CNOT7: variants seen among roughly 807,000 people sequenced by gnomAD.
CNOT7 encodes CCR4-NOT transcription complex subunit 7.
CNOT7 carries 4 observed loss-of-function variants against 37.1 expected under a neutral mutation model. The observed-to-expected ratio is 0.11, with a 90% CI of 0.05 to 0.25. The LOEUF is 0.25. Ranked by LOEUF, CNOT7 falls within the 10% of genes least tolerant of loss-of-function variation. The pLI is 1.00. For synonymous variants in CNOT7, 128 were observed against 115.6 expected, an observed-to-expected ratio of 1.11 and a Z score of -0.69; for missense variants, 170 against 336.2, an observed-to-expected ratio of 0.51 and a Z score of 3.87.
Position 17,246,744 on chromosome 8 carries a change from T to G in CNOT7, c.-165A>C, listed in dbSNP as rs1811205536. On this transcript the variant is annotated 5_prime_UTR_variant, in exon 1 of 7. Transcript: ENST00000361272. ...AGACAGCACTCGGCGGCGGTGGCGG[T>G]GGCGGTGGCGGTAGCGGCGGCGGCA... 5.4e-6 allele frequency: 1 copy of G among 186,690 alleles called. No homozygotes were observed. Among genetic ancestry groups the G allele is most frequent in the Non-Finnish European group, 1.1e-5 (1 of 90,174 alleles). 11.6% of individuals were successfully genotyped at this position (186,690 alleles called of 1,614,324 possible).
At position 17,230,679 on chromosome 8, in the gene CNOT7, ATG is replaced by A. The variant is rs1220998601; in HGVS notation, c.*39_*40del. On this transcript the variant is annotated 3_prime_UTR_variant, in exon 7 of 7. Transcript: ENST00000361272. ...CCAGAGATAAAACCTATATACAAGC[ATG>A]TGTGTAGCTCGAAATAAAAATAAAA... 10 of 1,564,244 alleles carry A rather than the reference ATG, an allele frequency of 6.4e-6. No homozygotes were observed. Among genetic ancestry groups the A allele is most frequent in the Non-Finnish European group, 1.7e-6 (2 of 1,155,120 alleles).
chr8:17,238,783 C>G (rs921618361), intron 3 of CNOT7, among the ~76,000 whole-genome samples: 11 of 152,230 alleles, frequency 7.2e-5, no homozygotes, highest in Non-Finnish European at 1.3e-4. Flanking sequence ...TATGGCTTCA[C>G]CCCATACCTG....
chr8:17,228,240 G>C lies in CNOT7; in HGVS notation c.*2480C>G, dbSNP rs1808283576. On this transcript the variant is annotated 3_prime_UTR_variant, in exon 7 of 7. Coordinates refer to ENST00000361272, the MANE Select transcript of CNOT7 (RefSeq NM_013354.7). ...TAGTTTGACAACCCTTGCTCTAGTAGATTTAACAGAATATATGAGCCTGTA... is the reference window on the plus strand; with the variant it reads ...TAGTTTGACAACCCTTGCTCTAGTACATTTAACAGAATATATGAGCCTGTA... 2 of 151,838 alleles carry C rather than the reference G, an allele frequency of 1.3e-5. No individual in the cohort carries two copies. Among genetic ancestry groups the C allele is most frequent in the African/African-American group, 4.8e-5 (2 of 41,410 alleles). The allele number at this position is 151,838 out of a possible 1,614,324, so 9.4% of individuals were successfully genotyped here.
At chr8:17,238,218 G>A (rs112753629) in intron 3 of CNOT7, among the ~76,000 whole-genome samples, 1 of 152,108 alleles carries the variant, frequency 6.6e-6, no homozygotes, top group Non-Finnish European at 1.5e-5. Context: ...ACGTGAAAAA[G>A]TGTTTTTTTA....
In CNOT7 at chr8:17,228,901, G is replaced by C. The variant is rs1808330793; in HGVS notation, c.*1819C>G. On this transcript the variant is annotated 3_prime_UTR_variant, in exon 7 of 7. Transcript: ENST00000361272. ...TAACGAAGACAAAAGAAGCCAGTTA[G>C]AAACTTACTACATTGTGTTAGATTT... 3 of 151,926 alleles carry C rather than the reference G, an allele frequency of 2.0e-5. No homozygotes were observed. Among genetic ancestry groups the C allele is most frequent in the Non-Finnish European group, 4.4e-5 (3 of 67,862 alleles). 9.4% of individuals were successfully genotyped at this position (151,926 alleles called of 1,614,324 possible). A position where few individuals can be genotyped will look rare whatever the true frequency, so the allele number is the denominator to read the frequency against.
rs141885412 is a variant in CNOT7, at chr8:17,239,053, T to G, written c.312-1680A>C. Among the ~76,000 whole-genome samples the G allele has an allele frequency of 8.5e-5, 13 of 152,314 alleles. 1 individual carries two copies. Among genetic ancestry groups the G allele is most frequent in the African/African-American group, 2.6e-4 (11 of 41,572 alleles). Reference sequence around the variant, plus strand: ...TGTAAAACAAAATAAAAACCACTATTCTGTTGATTCTGCTTTCCCTTCTTG... The same window carrying G: ...TGTAAAACAAAATAAAAACCACTATGCTGTTGATTCTGCTTTCCCTTCTTG... On this transcript the variant is annotated intron_variant, in intron 3 of 6. Coordinates refer to ENST00000361272, the MANE Select transcript of CNOT7 (RefSeq NM_013354.7).
chr8:17,232,356 C>T (rs1409060347), intron 6 of CNOT7, 71 bp downstream of exon 6: 2 of 1,609,752 alleles, frequency 1.2e-6, no homozygotes, highest in African/African-American at 1.3e-5. Context: ...TGCCCAAAAT[C>T]TTTGGCCACA....
At chr8:17,234,930 T>G (rs1273334137) in intron 4 of CNOT7, 70 bp from the exon 5 acceptor site, 3 of 1,418,280 alleles carry the variant, frequency 2.1e-6, no homozygotes, top group Middle Eastern at 2.6e-4. Flanking sequence ...AAAAAGTTTT[T>G]CTGATTCAAA....
chr8:17,237,791 T>C (rs1184132018), intron 3 of CNOT7, among the ~76,000 whole-genome samples: 3 of 152,230 alleles, frequency 2.0e-5, no homozygotes, highest in African/African-American at 7.2e-5. Flanking sequence ...CTGTGGGGCA[T>C]ATGCCCATCT....
At chr8:17,234,271 A>G (rs905037275) in intron 5 of CNOT7, among the ~76,000 whole-genome samples, 1 of 152,226 alleles carries the variant, frequency 6.6e-6, no homozygotes, top group South Asian at 2.1e-4. Context: ...TAGCCAAGAT[A>G]AGCCAAAAGG....
rs756750214 is a variant in CNOT7 at position 17,237,205 on chromosome 8, G to C, written c.473+7C>G. ...AACAAATGCCATTTTCAATGTAGTCGTTTTACCTATGAAATGACAACCATT... is the reference window on the plus strand; with the variant it reads ...AACAAATGCCATTTTCAATGTAGTCCTTTTACCTATGAAATGACAACCATT... On this transcript the variant is annotated splice_region_variant and intron_variant, in intron 4 of 6. Transcript: ENST00000361272. 6.2e-7 allele frequency: 1 copy of C among 1,612,910 alleles called. No individual in the cohort carries two copies. The highest frequency in any genetic ancestry group is 8.5e-7 in the Non-Finnish European group (1 of 1,179,464).
intron 5 of CNOT7, among the ~76,000 whole-genome samples, chr8:17,234,269 A>T (rs371201887): frequency 6.6e-6 from 1 of 152,208 alleles, no homozygotes; most frequent in Non-Finnish European, 1.5e-5. Flanking sequence ...TCTAGCCAAG[A>T]TAAGCCAAAA....
At chr8:17,231,488 A>G (rs1186723197) in intron 6 of CNOT7, 1 of 979,802 alleles carries the variant, frequency 1.0e-6, no homozygotes, top group African/African-American at 1.8e-5. Context: ...TGGATAGTCC[A>G]AATCACTTCT....
rs534380200 is a variant in CNOT7 at position 17,239,735 on chromosome 8, C to T, written c.312-2362G>A. Among the ~76,000 whole-genome samples the T allele has an allele frequency of 8.7e-4, 133 of 152,098 alleles. 1 individual carries two copies. The highest frequency in any genetic ancestry group is 7.3e-3 in the South Asian group (35 of 4,806). ...TTCTCGATCTCCTGACCTTGTGATC[C>T]GCCCGCCTCGGCCTCCCAAAGTGCT... On this transcript the variant is annotated intron_variant, in intron 3 of 6. Coordinates refer to ENST00000361272, the MANE Select transcript of CNOT7 (RefSeq NM_013354.7).
intron 4 of CNOT7, 53 bp downstream of exon 4, chr8:17,237,159 G>A (rs1809482674): frequency 5.8e-6 from 9 of 1,561,092 alleles, no homozygotes; most frequent in Admixed American, 1.7e-5. Flanking sequence ...AAGTAAGTGT[G>A]GAGCAAGTAT....
In CNOT7 at chr8:17,228,550, G is replaced by A. The variant is rs184403947; in HGVS notation, c.*2170C>T. 3 of 152,052 alleles carry A rather than the reference G, an allele frequency of 2.0e-5. No homozygotes were observed. Among genetic ancestry groups the A allele is most frequent in the Admixed American group, 2.0e-4 (3 of 15,260 alleles). 9.4% of individuals were successfully genotyped at this position (152,052 alleles called of 1,614,324 possible). A position where few individuals can be genotyped will look rare whatever the true frequency, so the allele number is the denominator to read the frequency against. On this transcript the variant is annotated 3_prime_UTR_variant, in exon 7 of 7. Transcript: ENST00000361272. The stretch of plus-strand genomic sequence containing the variant: ...ATTTTGACTTTGCAATGGTGCAAAA[G>A]CAATACACATTCAGTAGAAACTATA...
Position 17,230,641 on chromosome 8 carries a change from T to C in CNOT7, c.*79A>G. 1.6e-6 allele frequency: 2 copies of C among 1,286,962 alleles called. No individual in the cohort carries two copies. The highest frequency in any genetic ancestry group is 3.0e-5 in the African/African-American group (2 of 65,996). The allele number at this position is 1,286,962 out of a possible 1,614,324, so 79.7% of individuals were successfully genotyped here. Reference sequence around the variant, plus strand: ...GGGGGGGAAAGGTACTGTCTATTGTTCGAGGGATTCAACCAGAGATAAAAC... The same window carrying C: ...GGGGGGGAAAGGTACTGTCTATTGTCCGAGGGATTCAACCAGAGATAAAAC... On this transcript the variant is annotated 3_prime_UTR_variant, in exon 7 of 7. Transcript: ENST00000361272.
chr8:17,241,052 A>G (rs187605073), intron 3 of CNOT7, among the ~76,000 whole-genome samples: 1 of 152,092 alleles, frequency 6.6e-6, no homozygotes, highest in Non-Finnish European at 1.5e-5. Flanking sequence ...GGTTCTGTAG[A>G]CTGTGCGTGT....
At chr8:17,240,986 G>C (rs904266728) in intron 3 of CNOT7, among the ~76,000 whole-genome samples, 1 of 152,186 alleles carries the variant, frequency 6.6e-6, no homozygotes, top group Non-Finnish European at 1.5e-5. Flanking sequence ...ACGAATTTCT[G>C]TTGGGCTGCA....
Sources: gnomAD v4.1 joint callset for allele counts (sites outside exome capture counted in the v4.1 genomes callset) on GRCh38, gnomAD v4.1.1 for gene constraint, MANE v1.5 for transcripts, NCBI Gene and HGNC (gene_info 2026-07-23, HGNC 2026-07-21) for gene names.